KLRG1: variants seen among roughly 807,000 people sequenced by gnomAD.
The protein encoded by KLRG1 is killer cell lectin like receptor G1.
In KLRG1, 16 loss-of-function variants were observed where a neutral mutation model predicts 21.8. The ratio of observed to expected loss-of-function variants is 0.73; its 90% CI spans 0.50 to 1.11. The LOEUF is 1.11. Among genes scored for constraint, KLRG1 ranks in the 50% most tolerant of loss-of-function variants. The probability of loss-of-function intolerance (pLI) is 0.00; values close to 1 mark genes in which losing one functional copy is unlikely to be tolerated. For synonymous variants in KLRG1, 69 were observed against 75.9 expected (o/e 0.91, Z 0.47); for missense variants, 173 against 218.3 (o/e 0.79, Z 1.31).
At chr12:9,150,644 C>G in the KLRG1 span, 1 of 1,585,110 alleles carries the variant, frequency 6.3e-7, no homozygotes, top group Non-Finnish European at 8.6e-7. Flanking sequence ...TTTCACTCAC[C>G]TGTCTCATAG....
At chr12:8,996,211 T>C (rs960279297) in intron 3 of KLRG1, among the ~76,000 whole-genome samples, 3 of 152,136 alleles carry the variant, frequency 2.0e-5, no homozygotes, top group Admixed American at 6.6e-5. Context: ...CCTCAGATCC[T>C]TCCTATCCAC....
the KLRG1 span, chr12:9,163,572 T>C: frequency 5.1e-6 from 7 of 1,359,590 alleles, no homozygotes; most frequent in Non-Finnish European, 7.1e-6. Flanking sequence ...CAGGATGTAT[T>C]GTGTGAGCAT....
At chr12:9,053,631 A>C in the KLRG1 span, among the ~76,000 whole-genome samples, 1 of 152,124 alleles carries the variant, frequency 6.6e-6, no homozygotes, top group African/African-American at 2.4e-5. Flanking sequence ...AATGAAAATA[A>C]ACCCAGCTTG....
At chr12:9,127,857 C>T in the KLRG1 span, 1 of 249,824 alleles carries the variant, frequency 4.0e-6, no homozygotes, top group Non-Finnish European at 8.2e-6. Context: ...TGCGACTGGG[C>T]CCCGGGGCCC....
At chr12:9,194,549 C>T in the KLRG1 span, among the ~76,000 whole-genome samples, 1 of 146,342 alleles carries the variant, frequency 6.8e-6, no homozygotes, top group African/African-American at 2.5e-5. Flanking sequence ...ACTGCAAGCT[C>T]TGCCTCCTGG....
chr12:9,031,636 C>T, the KLRG1 span, among the ~76,000 whole-genome samples: 1 of 152,202 alleles, frequency 6.6e-6, no homozygotes, highest in African/African-American at 2.4e-5. Context: ...TGGCCCACGA[C>T]GCAGCCCTCA....
the KLRG1 span, among the ~76,000 whole-genome samples, chr12:9,147,601 G>C: frequency 1.3e-5 from 2 of 152,160 alleles, no homozygotes; most frequent in African/African-American, 4.8e-5. Flanking sequence ...TTACTAAACT[G>C]GTGTTCATGT....
At chr12:9,181,173 CT>C in the KLRG1 span, 2 of 1,612,948 alleles carry the variant, frequency 1.2e-6, no homozygotes, top group South Asian at 2.2e-5. Context: ...GTTTTCCCTA[CT>C]TCTGTGATCT....
At chr12:9,084,569 A>G in the KLRG1 span, among the ~76,000 whole-genome samples, 2 of 152,138 alleles carry the variant, frequency 1.3e-5, no homozygotes, top group African/African-American at 4.8e-5. Flanking sequence ...AAAAGATTCA[A>G]ATCATACCAC....
the KLRG1 span, among the ~76,000 whole-genome samples, chr12:9,092,801 A>C: frequency 6.6e-6 from 1 of 152,218 alleles, no homozygotes; most frequent in Admixed American, 6.5e-5. Context: ...CCTTGTAGAG[A>C]TATATGTGTT....
intron 1 of KLRG1, among the ~76,000 whole-genome samples, chr12:8,972,584 A>G (rs1486062669): frequency 3.3e-5 from 5 of 152,180 alleles, no homozygotes; most frequent in Admixed American, 1.3e-4. Context: ...TGCCTTTTGT[A>G]TGCTTTTAGC....
the KLRG1 span, among the ~76,000 whole-genome samples, chr12:9,025,386 C>T: frequency 6.6e-6 from 1 of 152,142 alleles, no homozygotes; most frequent in Non-Finnish European, 1.5e-5. Context: ...CCTGTAATCT[C>T]AGCACTTTGG....
the KLRG1 span, among the ~76,000 whole-genome samples, chr12:9,085,919 T>A: frequency 6.6e-6 from 1 of 152,136 alleles, no homozygotes; most frequent in African/African-American, 2.4e-5. Flanking sequence ...TTCCTAGACA[T>A]ATACATACTA....
At chr12:9,062,571 T>C in the KLRG1 span, among the ~76,000 whole-genome samples, 11 of 142,814 alleles carry the variant, frequency 7.7e-5, no homozygotes, top group African/African-American at 2.0e-4. Context: ...TTATATATTA[T>C]ACATATACAT....
At chr12:9,155,102 A>G in the KLRG1 span, among the ~76,000 whole-genome samples, 1 of 152,184 alleles carries the variant, frequency 6.6e-6, no homozygotes, top group African/African-American at 2.4e-5. Context: ...TTTTAGTTGG[A>G]CTGATGAAAG....
chr12:9,137,062 G>T, the KLRG1 span, among the ~76,000 whole-genome samples: 1 of 151,900 alleles, frequency 6.6e-6, no homozygotes, highest in Non-Finnish European at 1.5e-5. Flanking sequence ...TTTTGTTTTC[G>T]TTGTCTGTGA....
At chr12:9,025,000 T>C in the KLRG1 span, among the ~76,000 whole-genome samples, 3 of 152,174 alleles carry the variant, frequency 2.0e-5, no homozygotes, top group Non-Finnish European at 4.4e-5. Flanking sequence ...GAAGTGGTTT[T>C]CAAGGGGGAG....
At chr12:8,964,477 A>G (rs1173984143) in intron 1 of KLRG1, among the ~76,000 whole-genome samples, 3 of 152,192 alleles carry the variant, frequency 2.0e-5, no homozygotes, top group Non-Finnish European at 4.4e-5. Context: ...GTTTTGGAGT[A>G]GGTGTGGTGT....
At chr12:9,174,203 A>G in the KLRG1 span, among the ~76,000 whole-genome samples, 207 of 152,360 alleles carry the variant, frequency 1.4e-3, no homozygotes, top group African/African-American at 4.7e-3. Flanking sequence ...GATTCATTAC[A>G]TAAACAGAAC....
Sources: allele counts gnomAD v4.1 joint callset (sites outside exome capture counted in the v4.1 genomes callset), GRCh38; gene constraint gnomAD v4.1.1; transcripts MANE v1.5; gene names NCBI Gene and HGNC (gene_info 2026-07-23, HGNC 2026-07-21).